Variants in SHISA9 observed in about 807,000 individuals in gnomAD.
The protein encoded by SHISA9 is shisa family member 9.
In SHISA9, 13 loss-of-function variants were observed where a neutral mutation model predicts 38.0. That is an observed-to-expected ratio of 0.34 (90% CI 0.22 to 0.54). The LOEUF is 0.54. Among genes scored for constraint, SHISA9 ranks in the 20% least tolerant of loss-of-function variants. SHISA9 has a pLI of 0.91. For synonymous variants in SHISA9, 275 were observed against 242.0 expected (o/e 1.14, Z -1.27); for missense variants, 538 against 575.8 (o/e 0.93, Z 0.67).
the SHISA9 span, among the ~76,000 whole-genome samples, chr16:13,249,973 A>G: frequency 1.3e-5 from 2 of 152,110 alleles, no homozygotes; most frequent in African/African-American, 2.4e-5. Context: ...GGCTCAAGCA[A>G]TGCTTCCGCC....
chr16:12,968,189 C>CAAAAAAAAA lies in SHISA9; in HGVS notation c.691+51403_691+51411dup, dbSNP rs200194973. ...TGGGTGACAGAGGAAGGCTCCATCT[C>CAAAAAAAAA]AAAAAAAAAAAAAAAAAAAAAAAAA... On this transcript the variant is annotated intron_variant, in intron 2 of 4. Coordinates refer to ENST00000558583, the MANE Select transcript of SHISA9 (RefSeq NM_001145204.3). Among the ~76,000 whole-genome samples, 24 of 82,048 alleles carry CAAAAAAAAA rather than the reference C, an allele frequency of 2.9e-4. 3 individuals are homozygous for CAAAAAAAAA. Among genetic ancestry groups the CAAAAAAAAA allele is most frequent in the African/African-American group, 9.3e-4 (19 of 20,342 alleles). 53.8% of individuals were successfully genotyped at this position (82,048 alleles called of 152,430 possible).
intron 2 of SHISA9, among the ~76,000 whole-genome samples, chr16:13,081,615 A>G (rs1289223942): frequency 2.0e-5 from 3 of 151,710 alleles, no homozygotes; most frequent in Non-Finnish European, 2.9e-5. Flanking sequence ...TCTATGGTGT[A>G]TATCACCAGA....
the SHISA9 span, among the ~76,000 whole-genome samples, chr16:13,364,719 T>G: frequency 6.6e-6 from 1 of 152,218 alleles, no homozygotes; most frequent in Non-Finnish European, 1.5e-5. Context: ...GTGCGCTCTT[T>G]GAATGGGTGG....
the SHISA9 span, among the ~76,000 whole-genome samples, chr16:13,427,716 G>C: frequency 1.3e-5 from 2 of 152,008 alleles, no homozygotes; most frequent in Non-Finnish European, 2.9e-5. Flanking sequence ...AGACAGAGCA[G>C]GAAATGAGGC....
the SHISA9 span, among the ~76,000 whole-genome samples, chr16:13,291,529 T>C: frequency 6.6e-6 from 1 of 152,218 alleles, no homozygotes; most frequent in Non-Finnish European, 1.5e-5. Flanking sequence ...TCCCATGAAG[T>C]GCTCCCAATT....
intron 2 of SHISA9, among the ~76,000 whole-genome samples, chr16:13,007,460 G>T (rs182314192): frequency 3.9e-5 from 6 of 152,120 alleles, no homozygotes; most frequent in Admixed American, 3.9e-4. Context: ...GCCTGTGGCC[G>T]CCATATTGGT....
the SHISA9 span, among the ~76,000 whole-genome samples, chr16:13,346,432 C>T: frequency 2.6e-5 from 4 of 152,174 alleles, no homozygotes; most frequent in East Asian, 7.7e-4. Flanking sequence ...TCAAGTGCAT[C>T]AGTGTCGACC....
intron 2 of SHISA9, among the ~76,000 whole-genome samples, chr16:13,059,944 G>C (rs1431187588): frequency 6.6e-6 from 1 of 152,160 alleles, no homozygotes; most frequent in Non-Finnish European, 1.5e-5. Flanking sequence ...AGAACCGTGA[G>C]ACAATAGATT....
At chr16:12,952,419 T>C (rs1391136623) in intron 2 of SHISA9, among the ~76,000 whole-genome samples, 2 of 152,210 alleles carry the variant, frequency 1.3e-5, no homozygotes, top group African/African-American at 4.8e-5. Flanking sequence ...TCCATTGATA[T>C]ATTGGGATAA....
At chr16:12,911,452 C>T (rs948074227) in intron 1 of SHISA9, 10 of 885,798 alleles carry the variant, frequency 1.1e-5, no homozygotes, top group East Asian at 1.2e-4. Context: ...CATGAACCCA[C>T]GAACAATGAT....
the SHISA9 span, among the ~76,000 whole-genome samples, chr16:13,509,321 G>A: frequency 1.8e-4 from 28 of 152,122 alleles, no homozygotes; most frequent in South Asian, 5.8e-3. Flanking sequence ...TAAGAGTTAT[G>A]ATGAGGCTTA....
intron 1 of SHISA9, among the ~76,000 whole-genome samples, chr16:12,904,791 T>TA (rs1228048632): frequency 1.3e-5 from 2 of 152,106 alleles, no homozygotes; most frequent in South Asian, 2.1e-4. Context: ...GAATGTTTTA[T>TA]AAAAAAAATC....
At chr16:13,313,210 C>G in the SHISA9 span, among the ~76,000 whole-genome samples, 222 of 145,122 alleles carry the variant, frequency 1.5e-3, 1 homozygote, top group African/African-American at 5.5e-3. Flanking sequence ...AGCCGAGATC[C>G]CGCCACTGCA....
chr16:13,259,539 C>T, the SHISA9 span, among the ~76,000 whole-genome samples: 1 of 152,242 alleles, frequency 6.6e-6, no homozygotes, highest in African/African-American at 2.4e-5. Flanking sequence ...CAGAGGTTCT[C>T]CATGAGGGCC....
intron 2 of SHISA9, among the ~76,000 whole-genome samples, chr16:13,135,465 A>G (rs1567223505): frequency 6.6e-6 from 1 of 152,176 alleles, no homozygotes. Flanking sequence ...TGCGGCATAT[A>G]TACAAAGTTT....
intron 2 of SHISA9, among the ~76,000 whole-genome samples, chr16:13,005,738 C>G (rs1284682834): frequency 6.6e-6 from 1 of 152,158 alleles, no homozygotes. Flanking sequence ...CGGTGTTGAC[C>G]TTGCCCAACC....
At chr16:12,961,499 C>T (rs1366588073) in intron 2 of SHISA9, among the ~76,000 whole-genome samples, 1 of 152,154 alleles carries the variant, frequency 6.6e-6, no homozygotes, top group Non-Finnish European at 1.5e-5. Flanking sequence ...ATATTACCTC[C>T]TCACAATGGC....
At chr16:13,347,877 C>T in the SHISA9 span, among the ~76,000 whole-genome samples, 6 of 151,684 alleles carry the variant, frequency 4.0e-5, no homozygotes, top group Non-Finnish European at 8.8e-5. Context: ...ATCCCAAGAA[C>T]TTGTGAATAT....
At chr16:13,341,935 T>C in the SHISA9 span, among the ~76,000 whole-genome samples, 1 of 152,162 alleles carries the variant, frequency 6.6e-6, no homozygotes. Flanking sequence ...ATCCACCCAG[T>C]TGCCTAAGCC....
Sources: gnomAD v4.1 joint callset for allele counts (sites outside exome capture counted in the v4.1 genomes callset) on GRCh38, gnomAD v4.1.1 for gene constraint, MANE v1.5 for transcripts, NCBI Gene and HGNC (gene_info 2026-07-23, HGNC 2026-07-21) for gene names.